Variants in MMP16 observed in about 807,000 individuals in gnomAD.
The protein encoded by MMP16 is matrix metalloproteinase-16.
Under a neutral mutation model 67.8 loss-of-function variants are expected in MMP16, and 12 were observed. The ratio of observed to expected loss-of-function variants is 0.18; its 90% CI spans 0.11 to 0.29. The LOEUF (loss-of-function observed/expected upper bound fraction) is 0.29. MMP16 is among the 10% of genes least tolerant of loss of function. The probability of loss-of-function intolerance (pLI) is 1.00; values close to 1 mark genes in which losing one functional copy is unlikely to be tolerated. For synonymous variants in MMP16, 249 were observed against 255.9 expected (o/e 0.97, Z 0.26); for missense variants, 475 against 765.7 (o/e 0.62, Z 4.48).
Position 88,036,540 on chromosome 8 carries a change from T to C in MMP16, c.*4921A>G, listed in dbSNP as rs1021442738. 1 of 151,896 alleles carries C rather than the reference T, an allele frequency of 6.6e-6. No homozygotes were observed. Among genetic ancestry groups the C allele is most frequent in the Non-Finnish European group, 1.5e-5 (1 of 67,820 alleles). 9.4% of individuals were successfully genotyped at this position (151,896 alleles called of 1,614,324 possible). On this transcript the variant is annotated 3_prime_UTR_variant, in exon 10 of 10. Transcript: ENST00000286614. ...TATAACTGTTAAAAATTTTCTGATG[T>C]AGTTATGATTCCCTCCTAGGCAACG...
At chr8:88,305,421 C>G (rs1398188669) in intron 1 of MMP16, among the ~76,000 whole-genome samples, 1 of 152,164 alleles carries the variant, frequency 6.6e-6, no homozygotes, top group African/African-American at 2.4e-5. Flanking sequence ...GACTTGAACT[C>G]ACCTCTGGAT....
At chr8:88,086,487 G>T (rs112792253) in intron 6 of MMP16, among the ~76,000 whole-genome samples, 1 of 151,834 alleles carries the variant, frequency 6.6e-6, no homozygotes. Flanking sequence ...TTCAATCTAC[G>T]GAGGAGGAGA....
At chr8:88,075,243 A>C (rs1808628234) in intron 6 of MMP16, among the ~76,000 whole-genome samples, 1 of 152,152 alleles carries the variant, frequency 6.6e-6, no homozygotes, top group African/African-American at 2.4e-5. Flanking sequence ...CATTAAATGT[A>C]TTTTTGGCTG....
chr8:88,215,712 TA>T (rs1203237276), intron 1 of MMP16, among the ~76,000 whole-genome samples: 1 of 152,194 alleles, frequency 6.6e-6, no homozygotes, highest in Non-Finnish European at 1.5e-5. Flanking sequence ...CTGCTGTTCT[TA>T]ATCTCAGTAG....
intron 4 of MMP16, among the ~76,000 whole-genome samples, chr8:88,141,622 T>C (rs1464714618): frequency 2.0e-5 from 3 of 152,196 alleles, no homozygotes; most frequent in African/African-American, 4.8e-5. Context: ...ACAGTGATGA[T>C]TAAATAAAAA....
At chr8:88,130,615 T>C (rs952955362) in intron 4 of MMP16, among the ~76,000 whole-genome samples, 1 of 151,808 alleles carries the variant, frequency 6.6e-6, no homozygotes, top group African/African-American at 2.4e-5. Context: ...TAAACAAATA[T>C]TTGAAAGGCC....
At chr8:88,042,576 G>T (rs1808147346) in intron 9 of MMP16, among the ~76,000 whole-genome samples, 1 of 152,016 alleles carries the variant, frequency 6.6e-6, no homozygotes, top group South Asian at 2.1e-4. Context: ...AACTACTAAA[G>T]CCATTATTCA....
chr8:88,072,094 C>T (rs567367179), intron 7 of MMP16, among the ~76,000 whole-genome samples: 2 of 152,180 alleles, frequency 1.3e-5, no homozygotes, highest in South Asian at 2.1e-4. Context: ...CAGCTGTCAG[C>T]AAAGGGGCAG....
At chr8:88,113,387 T>C (rs1809373611) in intron 6 of MMP16, among the ~76,000 whole-genome samples, 2 of 151,672 alleles carry the variant, frequency 1.3e-5, no homozygotes, top group South Asian at 2.1e-4. Flanking sequence ...GGGCAAGGGT[T>C]GAGGAGATGA....
chr8:88,237,902 G>A (rs769790999), intron 1 of MMP16, among the ~76,000 whole-genome samples: 20 of 152,230 alleles, frequency 1.3e-4, no homozygotes, highest in Middle Eastern at 3.4e-3. Context: ...GTCACTATAA[G>A]TACTATAGCA....
At chr8:88,301,755 A>C (rs1019285040) in intron 1 of MMP16, among the ~76,000 whole-genome samples, 2 of 152,214 alleles carry the variant, frequency 1.3e-5, no homozygotes, top group African/African-American at 4.8e-5. Context: ...TTTAAAACTG[A>C]ATTTGTTGAA....
intron 4 of MMP16, among the ~76,000 whole-genome samples, chr8:88,146,789 A>AT (rs1323090451): frequency 2.7e-5 from 4 of 149,860 alleles, no homozygotes; most frequent in African/African-American, 1.0e-4. Context: ...ATAAACCAAA[A>AT]TAAAAAAAAA....
chr8:88,109,862 G>A (rs1809304278), intron 6 of MMP16, among the ~76,000 whole-genome samples: 1 of 151,144 alleles, frequency 6.6e-6, no homozygotes, highest in Non-Finnish European at 1.5e-5. Flanking sequence ...TTGCTATGGA[G>A]TAAAAGGGTT....
chr8:88,316,618 A>G (rs56053776), intron 1 of MMP16, among the ~76,000 whole-genome samples: 15,442 of 152,212 alleles, frequency 0.1, 945 homozygotes, highest in South Asian at 0.17. Flanking sequence ...CACTGACAAC[A>G]TATCTGGTCA....
chr8:88,165,720 G>C (rs1459648188), intron 4 of MMP16, among the ~76,000 whole-genome samples: 2 of 152,142 alleles, frequency 1.3e-5, no homozygotes, highest in Admixed American at 6.6e-5. Flanking sequence ...CTCAGGTATA[G>C]AGTACGTTAA....
At chr8:88,300,778 G>C (rs1416620929) in intron 1 of MMP16, among the ~76,000 whole-genome samples, 3 of 152,086 alleles carry the variant, frequency 2.0e-5, no homozygotes, top group Admixed American at 6.5e-5. Context: ...CTGTCTGAAA[G>C]AGAGAGAATC....
At chr8:88,204,496 CA>C (rs1013116919) in intron 1 of MMP16, among the ~76,000 whole-genome samples, 5 of 151,406 alleles carry the variant, frequency 3.3e-5, no homozygotes, top group African/African-American at 7.3e-5. Flanking sequence ...AAAGAACTCT[CA>C]AAAAAATGAT....
At chr8:88,251,236 C>G (rs1277290424) in intron 1 of MMP16, among the ~76,000 whole-genome samples, 2 of 151,910 alleles carry the variant, frequency 1.3e-5, no homozygotes, top group African/African-American at 4.8e-5. Context: ...TACCTGAATT[C>G]AAACTATACT....
chr8:88,289,319 A>C (rs187673967), intron 1 of MMP16, among the ~76,000 whole-genome samples: 186 of 152,248 alleles, frequency 1.2e-3, no homozygotes, highest in Non-Finnish European at 1.8e-3. Context: ...ATGCTGCCAA[A>C]ATTTTCTACA....
Sources: allele counts gnomAD v4.1 joint callset (sites outside exome capture counted in the v4.1 genomes callset), GRCh38; gene constraint gnomAD v4.1.1; transcripts MANE v1.5; gene names NCBI Gene and HGNC (gene_info 2026-07-23, HGNC 2026-07-21).